The following MACROD2 variants were observed in gnomAD, a reference collection of about 807,000 sequenced individuals.
MACROD2 encodes mono-ADP ribosylhydrolase 2.
MACROD2 carries 36 observed loss-of-function variants against 70.4 expected under a neutral mutation model. The ratio of observed to expected loss-of-function variants is 0.51; its 90% confidence interval spans 0.39 to 0.68. MACROD2 has a LOEUF of 0.68. Among genes scored for constraint, MACROD2 ranks in the 30% least tolerant of loss-of-function variants. MACROD2 has a pLI of 0.00. For missense variants in MACROD2, 496 were observed against 538.4 expected, an observed-to-expected ratio of 0.92 and a Z score of 0.78; for synonymous variants, 172 against 178.8, an observed-to-expected ratio of 0.96 and a Z score of 0.30.
chr20:15,468,294 T>TAA (rs879469590), intron 7 of MACROD2, among the ~76,000 whole-genome samples: 1 of 145,510 alleles, frequency 6.9e-6, no homozygotes, highest in African/African-American at 2.5e-5. Flanking sequence ...TCTATTCAAT[T>TAA]AAAAAAAAAA....
At chr20:15,723,040 A>G (rs1419427623) in intron 8 of MACROD2, among the ~76,000 whole-genome samples, 1 of 152,176 alleles carries the variant, frequency 6.6e-6, no homozygotes, top group Non-Finnish European at 1.5e-5. Context: ...CAGTCCTTAC[A>G]TCAACATCTC....
chr20:14,121,935 G>C lies in MACROD2; in HGVS notation c.271+36207G>C, dbSNP rs531836221. 3.9e-5 allele frequency among the ~76,000 whole-genome samples: 6 copies of C among 152,212 alleles called. No individual in the cohort carries two copies. In the South Asian group the frequency reaches 1.0e-3, roughly 26 times the overall value. ...ATTGTTTGGTGTAAGAGTTACTCCA[G>C]TTACTGCTTGTTTTAAAATTGATTT... is the stretch of plus-strand genomic sequence containing the variant. On this transcript the variant is annotated intron_variant, in intron 3 of 17. Transcript: ENST00000684519.
intron 3 of MACROD2, among the ~76,000 whole-genome samples, chr20:14,238,667 C>G (rs564734605): frequency 6.6e-6 from 1 of 152,150 alleles, no homozygotes; most frequent in Non-Finnish European, 1.5e-5. Context: ...CCCACAGTCT[C>G]TACCCAAAAG....
intron 6 of MACROD2, among the ~76,000 whole-genome samples, chr20:15,296,545 A>G (rs1455764352): frequency 6.6e-6 from 1 of 152,166 alleles, no homozygotes; most frequent in African/African-American, 2.4e-5. Flanking sequence ...AAGTGAGTAG[A>G]GGCATACATG....
chr20:14,576,016 T>G (rs1356414053), intron 4 of MACROD2, among the ~76,000 whole-genome samples: 2 of 152,206 alleles, frequency 1.3e-5, no homozygotes, highest in African/African-American at 2.4e-5. Flanking sequence ...ATTATCACAT[T>G]GGAGAGCCTA....
At chr20:14,938,320 A>G (rs994803860) in intron 5 of MACROD2, among the ~76,000 whole-genome samples, 6 of 152,136 alleles carry the variant, frequency 3.9e-5, no homozygotes, top group African/African-American at 1.4e-4. Context: ...ACAATGTATA[A>G]GGGTTTCCCT....
chr20:15,083,768 G>A (rs2075723306), intron 5 of MACROD2, among the ~76,000 whole-genome samples: 2 of 152,038 alleles, frequency 1.3e-5, no homozygotes, highest in Admixed American at 1.3e-4. Flanking sequence ...ATACATCATG[G>A]GTGGCTAGAG....
intron 3 of MACROD2, among the ~76,000 whole-genome samples, chr20:14,398,862 T>C (rs1036122351): frequency 2.6e-5 from 4 of 152,182 alleles, no homozygotes; most frequent in Middle Eastern, 6.3e-3. Flanking sequence ...AGTATCACTT[T>C]CTTTCTGTCT....
At chr20:15,112,976 GTGTGTT>G (rs1288046780) in intron 5 of MACROD2, among the ~76,000 whole-genome samples, 1 of 151,704 alleles carries the variant, frequency 6.6e-6, no homozygotes, top group Non-Finnish European at 1.5e-5. Context: ...GTGTGTGTGT[GTGTGTT>G]TGTGTGTGTA....
At chr20:16,001,575 C>G (rs1044360131) in intron 15 of MACROD2, among the ~76,000 whole-genome samples, 3 of 152,086 alleles carry the variant, frequency 2.0e-5, no homozygotes, top group Non-Finnish European at 4.4e-5. Context: ...GAGATGTTGT[C>G]ATAGTTTATT....
intron 8 of MACROD2, among the ~76,000 whole-genome samples, chr20:15,720,732 T>A (rs1217488313): frequency 6.6e-6 from 1 of 152,200 alleles, no homozygotes; most frequent in Non-Finnish European, 1.5e-5. Flanking sequence ...TTATGATACC[T>A]CTTTGTTCAC....
At chr20:15,101,848 T>A (rs2075875567) in intron 5 of MACROD2, among the ~76,000 whole-genome samples, 1 of 152,044 alleles carries the variant, frequency 6.6e-6, no homozygotes, top group Non-Finnish European at 1.5e-5. Flanking sequence ...ATATGAGGTT[T>A]ATTAGTCTTT....
At chr20:15,876,147 G>A (rs1446128338) in intron 9 of MACROD2, among the ~76,000 whole-genome samples, 1 of 125,438 alleles carries the variant, frequency 8.0e-6, no homozygotes. Context: ...TAAGTTCTAG[G>A]GTACATGTGC....
chr20:15,276,106 A>C (rs906923883), intron 6 of MACROD2, among the ~76,000 whole-genome samples: 1 of 152,126 alleles, frequency 6.6e-6, no homozygotes, highest in African/African-American at 2.4e-5. Flanking sequence ...TCAATTAAAA[A>C]TCTCATTGAT....
intron 6 of MACROD2, among the ~76,000 whole-genome samples, chr20:15,259,396 C>G (rs1490573671): frequency 1.3e-5 from 2 of 151,910 alleles, no homozygotes; most frequent in South Asian, 2.1e-4. Flanking sequence ...AGGTAAATCC[C>G]AAGAACCATT....
At chr20:14,666,515 T>G (rs1380067128) in intron 4 of MACROD2, among the ~76,000 whole-genome samples, 1 of 152,064 alleles carries the variant, frequency 6.6e-6, no homozygotes, top group Non-Finnish European at 1.5e-5. Flanking sequence ...TGTAGAATAT[T>G]TTTAACATCT....
chr20:14,510,964 T>C (rs886900940), intron 4 of MACROD2, among the ~76,000 whole-genome samples: 2 of 152,050 alleles, frequency 1.3e-5, no homozygotes, highest in African/African-American at 4.8e-5. Flanking sequence ...GCTGTGGGTG[T>C]AGGTCCTGAA....
chr20:16,045,048 C>G (rs999655393), intron 17 of MACROD2, among the ~76,000 whole-genome samples: 1 of 152,120 alleles, frequency 6.6e-6, no homozygotes, highest in Non-Finnish European at 1.5e-5. Context: ...AATCTTTGCC[C>G]TGGAGTTTGT....
intron 5 of MACROD2, among the ~76,000 whole-genome samples, chr20:15,219,837 A>G (rs1601246999): frequency 6.6e-6 from 1 of 151,972 alleles, no homozygotes; most frequent in East Asian, 1.9e-4. Flanking sequence ...GTCATGTTCC[A>G]TTTTGTGATT....
Sources: allele counts gnomAD v4.1 joint callset (sites outside exome capture counted in the v4.1 genomes callset), GRCh38; gene constraint gnomAD v4.1.1; transcripts MANE v1.5; gene names NCBI Gene and HGNC (gene_info 2026-07-23, HGNC 2026-07-21).